Variants in PTPN11 observed in about 807,000 individuals in gnomAD.
PTPN11 encodes tyrosine-protein phosphatase non-receptor type 11.
PTPN11 carries 6 observed loss-of-function variants against 78.8 expected under a neutral mutation model. The observed-to-expected ratio is 0.08, with a 90% CI of 0.04 to 0.15. The LOEUF (loss-of-function observed/expected upper bound fraction) is 0.15. PTPN11 is among the 10% of genes least tolerant of loss of function. PTPN11 has a pLI of 1.00. For synonymous variants in PTPN11, 221 were observed against 263.5 expected, an observed-to-expected ratio of 0.84 and a Z score of 1.56; for missense variants, 386 against 744.8, an observed-to-expected ratio of 0.52 and a Z score of 5.61.
chr12:112,424,956 T>TTG (rs34463047), intron 1 of PTPN11, among the ~76,000 whole-genome samples: 4,911 of 88,242 alleles, frequency 0.056, 110 homozygotes, highest in African/African-American at 0.061. Flanking sequence ...GTCAGGCTAA[T>TTG]TGTGTGTGTG....
chr12:112,447,961 C>G (rs2038020570), intron 2 of PTPN11, among the ~76,000 whole-genome samples: 1 of 151,882 alleles, frequency 6.6e-6, no homozygotes, highest in Non-Finnish European at 1.5e-5. Flanking sequence ...ACCACCATGC[C>G]AAGTTAATTT....
At chr12:112,483,250 C>T (rs917913893) in intron 10 of PTPN11, among the ~76,000 whole-genome samples, 2 of 148,496 alleles carry the variant, frequency 1.3e-5, no homozygotes, top group Non-Finnish European at 3.0e-5. Context: ...TGCACTGGTG[C>T]ATTCACGGCT....
intron 13 of PTPN11, among the ~76,000 whole-genome samples, chr12:112,492,554 G>A (rs1211345411): frequency 2.7e-5 from 4 of 149,648 alleles, no homozygotes; most frequent in African/African-American, 4.9e-5. Context: ...GTCTCGCACC[G>A]TCTCCCAGGC....
chr12:112,485,275 T>TA (rs1159257002), intron 10 of PTPN11, among the ~76,000 whole-genome samples: 1 of 152,084 alleles, frequency 6.6e-6, no homozygotes, highest in Non-Finnish European at 1.5e-5. Context: ...TCACTTAGCT[T>TA]AGATTGTCTC....
intron 13 of PTPN11, among the ~76,000 whole-genome samples, chr12:112,501,893 G>GT (rs1405441909): frequency 4.6e-5 from 7 of 152,170 alleles, no homozygotes; most frequent in Admixed American, 4.6e-4. Flanking sequence ...GTTCGGTACA[G>GT]TAAGTTGTTA....
chr12:112,454,636 A>T lies in PTPN11; in HGVS notation c.598A>T (p.Asn200Tyr), dbSNP rs727503381. The T allele has an allele frequency of 1.2e-6, 2 of 1,613,744 alleles. No homozygotes were observed. The highest frequency in any genetic ancestry group is 2.2e-5 in the East Asian group (1 of 44,884). ...LTDLVEHYKK[N>Y]PMVETLGTVL... ...AGATCTTGTGGAACATTATAAGAAGAATCCTATGGTGGAAACATTGGGTAC... is the reference window on the plus strand; with the variant it reads ...AGATCTTGTGGAACATTATAAGAAGTATCCTATGGTGGAAACATTGGGTAC... The change falls in exon 5 of 16, where the codon AAT (asparagine) becomes TAT (tyrosine). Residue 200 changes from asparagine (N) to tyrosine (Y), a missense_variant. By Grantham distance (143) the Asn-to-Tyr change is moderately radical. Coordinates refer to ENST00000351677, the MANE Select transcript of PTPN11 (RefSeq NM_002834.5).
At chr12:112,488,288 G>A (rs551756625) in intron 11 of PTPN11, among the ~76,000 whole-genome samples, 155 bp from the exon 12 acceptor site, 49 of 152,228 alleles carry the variant, frequency 3.2e-4, no homozygotes, top group African/African-American at 1.2e-3. Flanking sequence ...AAAGCCCTAT[G>A]CTTTTTGCCA....
intron 14 of PTPN11, among the ~76,000 whole-genome samples, chr12:112,503,293 G>T (rs994083622): frequency 2.0e-5 from 3 of 152,212 alleles, no homozygotes; most frequent in Non-Finnish European, 4.4e-5. Context: ...TTGAGGATAT[G>T]AATAGCAATT....
intron 1 of PTPN11, among the ~76,000 whole-genome samples, chr12:112,419,428 G>A (rs1846705582): frequency 6.6e-6 from 1 of 152,224 alleles, no homozygotes; most frequent in African/African-American, 2.4e-5. Flanking sequence ...CCAGCGGCCA[G>A]GCTCAGCGCC....
chr12:112,462,966 A>T (rs1043182901), intron 6 of PTPN11, among the ~76,000 whole-genome samples: 4 of 152,194 alleles, frequency 2.6e-5, no homozygotes, highest in Non-Finnish European at 5.9e-5. Context: ...GGTGGTTATT[A>T]TTCATCTATA....
chr12:112,433,217 A>T (rs1019819380), intron 1 of PTPN11, among the ~76,000 whole-genome samples: 3 of 152,148 alleles, frequency 2.0e-5, no homozygotes, highest in Non-Finnish European at 4.4e-5. Context: ...TTTTCTATGT[A>T]TGGATGTGTT....
intron 1 of PTPN11, among the ~76,000 whole-genome samples, chr12:112,440,502 G>T (rs1480154216): frequency 6.8e-6 from 1 of 147,332 alleles, no homozygotes; most frequent in East Asian, 2.0e-4. Flanking sequence ...CTGACCTCGT[G>T]ATCCGCCTGC....
intron 2 of PTPN11, among the ~76,000 whole-genome samples, chr12:112,450,074 G>A (rs1265796251): frequency 3.6e-5 from 5 of 140,054 alleles, no homozygotes; most frequent in Middle Eastern, 3.8e-3. Flanking sequence ...CAATAAGAGC[G>A]AAACTCCATC....
intron 13 of PTPN11, among the ~76,000 whole-genome samples, chr12:112,498,845 T>C (rs2038841706): frequency 1.3e-5 from 2 of 152,232 alleles, no homozygotes; most frequent in East Asian, 3.8e-4. Context: ...ATCTGATTTG[T>C]GAGTCAGTTT....
chr12:112,497,527 C>T (rs2038828471), intron 13 of PTPN11, among the ~76,000 whole-genome samples: 1 of 152,206 alleles, frequency 6.6e-6, no homozygotes, highest in African/African-American at 2.4e-5. Flanking sequence ...TTTCTTCACA[C>T]AGCTCCCTTC....
At chr12:112,470,046 C>G (rs1328451115) in intron 6 of PTPN11, among the ~76,000 whole-genome samples, 1 of 152,058 alleles carries the variant, frequency 6.6e-6, no homozygotes, top group Non-Finnish European at 1.5e-5. Flanking sequence ...CTCAGCCTCT[C>G]AAGTAGCTGG....
chr12:112,472,130 C>T (rs533429786), intron 6 of PTPN11, among the ~76,000 whole-genome samples: 2 of 151,702 alleles, frequency 1.3e-5, no homozygotes, highest in African/African-American at 4.8e-5. Flanking sequence ...GGCCTTCTGC[C>T]TTTTTTTTAA....
rs114526815 is a variant in PTPN11, at chr12:112,503,464, G to A, written c.1712+1208G>A. 7.3e-3 allele frequency among the ~76,000 whole-genome samples: 1,112 copies of A among 152,238 alleles called. 12 individuals carry two copies. Among genetic ancestry groups the A allele is most frequent in the African/African-American group, 0.026 (1,074 of 41,520 alleles). ...TAAATGTTTTAGGTGGCATATATGA[G>A]GTTTGTATTAACATTTGCTTTCTAT... On this transcript the variant is annotated intron_variant, in intron 14 of 15. Transcript: ENST00000351677.
chr12:112,504,432 A>G lies in PTPN11; in HGVS notation c.1713-263A>G, dbSNP rs915818496. Among the ~76,000 whole-genome samples the G allele has an allele frequency of 6.6e-6, 1 of 152,194 alleles. No individual in the cohort carries two copies. Among genetic ancestry groups the G allele is most frequent in the Non-Finnish European group, 1.5e-5 (1 of 68,030 alleles). On this transcript the variant is annotated intron_variant, in intron 14 of 15. Transcript: ENST00000351677. The surrounding 1 kb of genome is among the most constrained non-coding windows in gnomAD (Gnocchi z 4.7). ...CTGGTCTCAAACTCCTGACCTCGTGATCCACCCACCTGGGCCTCCCAAAGT... is the reference window on the plus strand; with the variant it reads ...CTGGTCTCAAACTCCTGACCTCGTGGTCCACCCACCTGGGCCTCCCAAAGT...
Sources: allele counts gnomAD v4.1 joint callset (sites outside exome capture counted in the v4.1 genomes callset), GRCh38; gene constraint gnomAD v4.1.1; non-coding constraint Gnocchi (gnomAD v3.1); transcripts MANE v1.5; gene names NCBI Gene and HGNC (gene_info 2026-07-23, HGNC 2026-07-21).